Variants in COMMD1 observed in about 807,000 individuals in gnomAD.
COMMD1 encodes COMM domain-containing protein 1.
COMMD1 carries 10 observed loss-of-function variants against 17.2 expected under a neutral mutation model. The ratio of observed to expected loss-of-function variants is 0.58; its 90% CI spans 0.36 to 0.99. COMMD1 has a LOEUF of 0.99. Among genes scored for constraint, COMMD1 ranks in the 50% least tolerant of loss-of-function variants. The pLI, the probability that COMMD1 is intolerant of heterozygous loss-of-function variation, is 0.01. For synonymous variants in COMMD1, 97 were observed against 91.6 expected, an observed-to-expected ratio of 1.06 and a Z score of -0.34; for missense variants, 270 against 231.8, an observed-to-expected ratio of 1.17 and a Z score of -1.07.
intron 2 of COMMD1, among the ~76,000 whole-genome samples, chr2:62,127,810 G>A (rs1672923985): frequency 6.6e-6 from 1 of 151,994 alleles, no homozygotes; most frequent in South Asian, 2.1e-4. Flanking sequence ...GATCATTTGA[G>A]GTCAAGAGTT....
intron 2 of COMMD1, among the ~76,000 whole-genome samples, chr2:62,121,898 C>T (rs1203228212): frequency 6.6e-6 from 1 of 152,056 alleles, no homozygotes; most frequent in Non-Finnish European, 1.5e-5. Flanking sequence ...CTCAGGTGAT[C>T]CTCCCACCTC....
chr2:61,984,192 T>C (rs1043705164), intron 1 of COMMD1, among the ~76,000 whole-genome samples: 1 of 152,102 alleles, frequency 6.6e-6, no homozygotes, highest in African/African-American at 2.4e-5. Context: ...ACCCAGCTAA[T>C]TTTTTGTGTT....
At chr2:61,897,036 G>A (rs962214100) in intron 1 of COMMD1, among the ~76,000 whole-genome samples, 2 of 151,886 alleles carry the variant, frequency 1.3e-5, no homozygotes, top group Non-Finnish European at 2.9e-5. Context: ...CACCATATTG[G>A]CCAGGCTGGT....
chr2:61,890,052 A>G (rs1020326653), intron 1 of COMMD1, among the ~76,000 whole-genome samples: 10 of 152,208 alleles, frequency 6.6e-5, no homozygotes, highest in Admixed American at 1.3e-4. Context: ...CTGGTCTCCT[A>G]TGACCACTAT....
At chr2:62,090,263 G>A (rs1395704571) in intron 2 of COMMD1, among the ~76,000 whole-genome samples, 1 of 152,160 alleles carries the variant, frequency 6.6e-6, no homozygotes, top group Admixed American at 6.6e-5. Context: ...GTTATAGGTA[G>A]AGTCAGAGGG....
chr2:61,941,044 C>CCT (rs1387509334), intron 1 of COMMD1, among the ~76,000 whole-genome samples: 2 of 145,236 alleles, frequency 1.4e-5, no homozygotes, highest in African/African-American at 5.1e-5. Flanking sequence ...ATAACCCCCC[C>CCT]TTTTTTTTTG....
intron 2 of COMMD1, among the ~76,000 whole-genome samples, chr2:62,050,786 A>C (rs1387724798): frequency 2.0e-5 from 3 of 152,218 alleles, no homozygotes; most frequent in Non-Finnish European, 4.4e-5. Context: ...CTCCTTGAAG[A>C]TGCGTGACTG....
At chr2:62,054,775 G>C (rs1186905099) in intron 2 of COMMD1, among the ~76,000 whole-genome samples, 3 of 152,140 alleles carry the variant, frequency 2.0e-5, no homozygotes, top group Non-Finnish European at 4.4e-5. Context: ...ACCTTATTTG[G>C]GTGATGGATA....
At chr2:61,889,482 A>G (rs1669364795) in intron 1 of COMMD1, among the ~76,000 whole-genome samples, 1 of 152,032 alleles carries the variant, frequency 6.6e-6, no homozygotes, top group Non-Finnish European at 1.5e-5. Flanking sequence ...AAGTACTGGG[A>G]TTACAGGCGT....
At chr2:62,133,923 C>T (rs532753157) in intron 2 of COMMD1, among the ~76,000 whole-genome samples, 3 of 152,222 alleles carry the variant, frequency 2.0e-5, no homozygotes, top group East Asian at 3.9e-4. Context: ...TTCCAAGTAG[C>T]TAGGACTACA....
intron 2 of COMMD1, among the ~76,000 whole-genome samples, chr2:62,047,363 G>A (rs1410842296): frequency 6.6e-6 from 1 of 152,146 alleles, no homozygotes; most frequent in Non-Finnish European, 1.5e-5. Flanking sequence ...ATACAGTAAT[G>A]TCCTAGGCCT....
chr2:61,963,169 A>AAAAAT (rs1553373128), intron 1 of COMMD1, among the ~76,000 whole-genome samples: 5 of 143,566 alleles, frequency 3.5e-5, no homozygotes, highest in African/African-American at 1.3e-4. Flanking sequence ...CAAAAAAAAA[A>AAAAAT]ATATATATAT....
At chr2:62,062,167 C>T (rs193162710) in intron 2 of COMMD1, among the ~76,000 whole-genome samples, 40 of 151,916 alleles carry the variant, frequency 2.6e-4, no homozygotes, top group Admixed American at 8.5e-4. Flanking sequence ...ATCTGTAAGA[C>T]GCCAATTGTA....
intron 1 of COMMD1, among the ~76,000 whole-genome samples, chr2:61,941,672 T>C (rs918271409): frequency 7.9e-5 from 12 of 152,348 alleles, no homozygotes; most frequent in African/African-American, 2.2e-4. Context: ...GGAATAACTT[T>C]CTGTGCATTT....
intron 1 of COMMD1, among the ~76,000 whole-genome samples, chr2:61,939,767 A>C (rs1670694493): frequency 6.6e-6 from 1 of 152,192 alleles, no homozygotes. Context: ...CCGTTCTTTA[A>C]CCAGAGCAGC....
intron 2 of COMMD1, among the ~76,000 whole-genome samples, chr2:62,072,463 G>A (rs916258352): frequency 6.6e-6 from 1 of 152,158 alleles, no homozygotes; most frequent in African/African-American, 2.4e-5. Context: ...CCTCTCTGCT[G>A]AGAGCTGTTC....
At chr2:62,053,376 T>C (rs1670593969) in intron 2 of COMMD1, among the ~76,000 whole-genome samples, 2 of 152,122 alleles carry the variant, frequency 1.3e-5, no homozygotes, top group Non-Finnish European at 1.5e-5. Flanking sequence ...TAATAGGGTT[T>C]TGTGCAATGA....
At chr2:61,979,747 AT>A (rs200234500) in intron 1 of COMMD1, among the ~76,000 whole-genome samples, 30,327 of 144,290 alleles carry the variant, frequency 0.21, 3,173 homozygotes, top group African/African-American at 0.27. Context: ...GATATAAGTC[AT>A]TTTTTTTTTT....
intron 1 of COMMD1, among the ~76,000 whole-genome samples, chr2:61,982,872 T>C (rs1450870916): frequency 6.6e-6 from 1 of 152,202 alleles, no homozygotes; most frequent in African/African-American, 2.4e-5. Context: ...GGATAAATCC[T>C]ACTTGGTCAT....
Sources: allele counts gnomAD v4.1 joint callset (sites outside exome capture counted in the v4.1 genomes callset), GRCh38; gene constraint gnomAD v4.1.1; transcripts MANE v1.5; gene names NCBI Gene and HGNC (gene_info 2026-07-23, HGNC 2026-07-21).